Variants in CDH13 observed in about 807,000 individuals in gnomAD.
CDH13 encodes cadherin-13.
CDH13 carries 24 observed loss-of-function variants against 63.8 expected under a neutral mutation model. That is an observed-to-expected ratio of 0.38 (90% confidence interval 0.27 to 0.53). The LOEUF (loss-of-function observed/expected upper bound fraction) is 0.53, where lower values mean the gene tolerates loss of function less well. CDH13 is among the 20% of genes least tolerant of loss of function. The pLI is 0.85. For missense variants in CDH13, 1,049 were observed against 903.1 expected (o/e 1.16, Z -2.07); for synonymous variants, 503 against 355.3 (o/e 1.42, Z -4.67).
chr16:83,279,654 G>C (rs2089101658), intron 5 of CDH13, among the ~76,000 whole-genome samples: 1 of 152,086 alleles, frequency 6.6e-6, no homozygotes, highest in South Asian at 2.1e-4. Context: ...ATACATCTGG[G>C]AAAAACATCA....
At chr16:83,587,927 G>A (rs74690847) in intron 7 of CDH13, among the ~76,000 whole-genome samples, 4,703 of 151,308 alleles carry the variant, frequency 0.031, 96 homozygotes, top group Middle Eastern at 0.054. Context: ...ATTTATCTGA[G>A]CAACATTCTC....
At chr16:83,626,838 C>T (rs907217193) in intron 8 of CDH13, among the ~76,000 whole-genome samples, 3 of 152,178 alleles carry the variant, frequency 2.0e-5, no homozygotes, top group Non-Finnish European at 4.4e-5. Context: ...TGTACCCGCT[C>T]TCCCTAGGAC....
intron 2 of CDH13, among the ~76,000 whole-genome samples, chr16:82,864,553 C>T (rs569060855): frequency 9.9e-5 from 15 of 151,944 alleles, no homozygotes; most frequent in Admixed American, 7.2e-4. Context: ...TCATTTCTCA[C>T]GAGAACTCAC....
chr16:83,342,549 A>C (rs1028891673), intron 5 of CDH13, among the ~76,000 whole-genome samples: 2 of 152,202 alleles, frequency 1.3e-5, no homozygotes, highest in African/African-American at 4.8e-5. Context: ...TGTAACATAA[A>C]ATACCATTGG....
At chr16:82,908,426 T>G (rs1423498039) in intron 2 of CDH13, among the ~76,000 whole-genome samples, 1 of 152,144 alleles carries the variant, frequency 6.6e-6, no homozygotes, top group Non-Finnish European at 1.5e-5. Context: ...GCGGTCTCAG[T>G]TACCTTTGTA....
At chr16:83,466,868 A>G (rs2073329687) in intron 6 of CDH13, among the ~76,000 whole-genome samples, 1 of 152,180 alleles carries the variant, frequency 6.6e-6, no homozygotes, top group African/African-American at 2.4e-5. Context: ...CTTTAAATCT[A>G]AAAAGAAGAT....
At chr16:82,899,520 A>G (rs1158837957) in intron 2 of CDH13, among the ~76,000 whole-genome samples, 54 of 152,158 alleles carry the variant, frequency 3.5e-4, no homozygotes, top group Non-Finnish European at 5.9e-5. Flanking sequence ...TGTCTATTTT[A>G]TTATCTAGTA....
intron 2 of CDH13, among the ~76,000 whole-genome samples, chr16:82,962,701 CT>C (rs1455326799): frequency 6.6e-6 from 1 of 152,202 alleles, no homozygotes; most frequent in African/African-American, 2.4e-5. Flanking sequence ...GATGATTCTT[CT>C]GTCGACATTT....
chr16:82,784,178 G>A (rs1056657886), intron 1 of CDH13, among the ~76,000 whole-genome samples: 10 of 152,164 alleles, frequency 6.6e-5, no homozygotes, highest in Non-Finnish European at 2.9e-5. Flanking sequence ...GCTCTAGTGG[G>A]TGTTTCTTCT....
intron 6 of CDH13, among the ~76,000 whole-genome samples, chr16:83,408,366 A>C (rs775342877): frequency 2.6e-4 from 40 of 152,188 alleles, no homozygotes; most frequent in Non-Finnish European, 4.7e-4. Flanking sequence ...TCATTGTGCA[A>C]ACATCATATA....
chr16:82,683,064 G>A (rs182091413), intron 1 of CDH13, among the ~76,000 whole-genome samples: 144 of 152,316 alleles, frequency 9.5e-4, no homozygotes, highest in Non-Finnish European at 1.6e-3. Flanking sequence ...ATGGAGCTTA[G>A]TGTTCTCAGC....
chr16:83,660,956 T>G (rs1423912168), intron 8 of CDH13, among the ~76,000 whole-genome samples: 2 of 152,204 alleles, frequency 1.3e-5, no homozygotes, highest in African/African-American at 4.8e-5. Context: ...ATATTTGCTC[T>G]TTGGTTTTTA....
intron 11 of CDH13, among the ~76,000 whole-genome samples, chr16:83,776,546 G>C (rs921689133): frequency 6.6e-6 from 1 of 152,082 alleles, no homozygotes; most frequent in Non-Finnish European, 1.5e-5. Flanking sequence ...AGCTGTCTTT[G>C]GGTGTTGATA....
chr16:83,357,051 C>T (rs2091070408), intron 6 of CDH13, among the ~76,000 whole-genome samples: 1 of 152,116 alleles, frequency 6.6e-6, no homozygotes, highest in African/African-American at 2.4e-5. Flanking sequence ...AACATGGATG[C>T]CTTCCTCTTG....
At chr16:82,813,889 C>G (rs1054980037) in intron 1 of CDH13, among the ~76,000 whole-genome samples, 1 of 152,164 alleles carries the variant, frequency 6.6e-6, no homozygotes, top group Non-Finnish European at 1.5e-5. Flanking sequence ...GAACAAGTCT[C>G]TTGCCCTCTC....
intron 5 of CDH13, among the ~76,000 whole-genome samples, chr16:83,269,422 C>T (rs1282085134): frequency 6.6e-6 from 1 of 151,930 alleles, no homozygotes; most frequent in Non-Finnish European, 1.5e-5. Context: ...TCTAAACTAT[C>T]CCACATCATC....
At chr16:83,518,498 A>C (rs1246933444) in intron 7 of CDH13, among the ~76,000 whole-genome samples, 2 of 136,230 alleles carry the variant, frequency 1.5e-5, no homozygotes, top group Non-Finnish European at 3.1e-5. Flanking sequence ...TTTGAGACGG[A>C]GTCTGGCTCT....
rs559365693 is a variant in CDH13, at chr16:83,221,645, G to T, written c.636+4148G>T. 5.3e-5 allele frequency among the ~76,000 whole-genome samples: 8 copies of T among 151,786 alleles called. No homozygotes were observed. The South Asian group carries it at 8.4e-4, about 16-fold the overall frequency. The stretch of plus-strand genomic sequence containing the variant: ...GTGGGAGACCATCTGTTAGGCGAGT[G>T]GGGGAGGAAGACGGTGGGGGGGCGG... On this transcript the variant is annotated intron_variant, in intron 5 of 13. Transcript: ENST00000567109.
At chr16:82,932,217 A>C (rs1293349953) in intron 2 of CDH13, among the ~76,000 whole-genome samples, 1 of 152,168 alleles carries the variant, frequency 6.6e-6, no homozygotes, top group Non-Finnish European at 1.5e-5. Context: ...TTTTTAGTAT[A>C]AGTGTGTCCT....
Sources: allele counts gnomAD v4.1 joint callset (sites outside exome capture counted in the v4.1 genomes callset), GRCh38; gene constraint gnomAD v4.1.1; transcripts MANE v1.5; gene names NCBI Gene and HGNC (gene_info 2026-07-23, HGNC 2026-07-21).